The following EPB41 variants were observed in gnomAD, a reference collection of about 807,000 sequenced individuals.
EPB41 encodes erythrocyte membrane protein band 4.1.
Under a neutral mutation model 108.0 loss-of-function variants are expected in EPB41, and 65 were observed. The ratio of observed to expected loss-of-function variants is 0.60; its 90% confidence interval spans 0.49 to 0.74. The LOEUF is 0.74. Ranked by LOEUF, EPB41 falls within the 30% of genes least tolerant of loss-of-function variation. The probability of loss-of-function intolerance (pLI) is 0.00; values close to 1 mark genes in which losing one functional copy is unlikely to be tolerated. For missense variants in EPB41, 875 were observed against 1,037.0 expected (o/e 0.84, Z 2.15); for synonymous variants, 336 against 358.9 (o/e 0.94, Z 0.72).
rs139009133 is a variant in EPB41 at position 29,098,131 on chromosome 1, A to G, written c.2313+196A>G. 4.5e-3 allele frequency among the ~76,000 whole-genome samples: 682 copies of G among 152,350 alleles called. 4 individuals carry two copies. The highest frequency in any genetic ancestry group is 0.016 in the African/African-American group (645 of 41,586). ...AAAATTGAGCAGAGCACACTGGTGTATGCCTGTAGTCCCAGCTACTCAGGA... is the reference window on the plus strand; with the variant it reads ...AAAATTGAGCAGAGCACACTGGTGTGTGCCTGTAGTCCCAGCTACTCAGGA... On this transcript the variant is annotated intron_variant, in intron 17 of 20. Coordinates refer to ENST00000343067, the MANE Select transcript of EPB41 (RefSeq NM_001376013.1).
At chr1:28,992,015 G>T (rs1223696739) in intron 2 of EPB41, among the ~76,000 whole-genome samples, 1 of 152,042 alleles carries the variant, frequency 6.6e-6, no homozygotes, top group Non-Finnish European at 1.5e-5. Context: ...TTCTACCCTT[G>T]TGGACTTTAA....
intron 16 of EPB41, among the ~76,000 whole-genome samples, chr1:29,085,222 A>G (rs1440201900): frequency 6.9e-6 from 1 of 145,282 alleles, no homozygotes; most frequent in African/African-American, 2.6e-5. Flanking sequence ...GGCTCACTGC[A>G]ACCTCTGCCT....
chr1:28,906,214 T>G (rs2091816614), intron 1 of EPB41, among the ~76,000 whole-genome samples: 1 of 152,210 alleles, frequency 6.6e-6, no homozygotes, highest in Non-Finnish European at 1.5e-5. Flanking sequence ...GCTCAGAACC[T>G]GTCCTATAGT....
At chr1:29,006,049 C>CA (rs1462621706) in intron 4 of EPB41, among the ~76,000 whole-genome samples, 1 of 152,142 alleles carries the variant, frequency 6.6e-6, no homozygotes, top group African/African-American at 2.4e-5. Flanking sequence ...CTAGATTATT[C>CA]AGAATTACTA....
chr1:28,954,661 A>C (rs2094874531), intron 1 of EPB41, among the ~76,000 whole-genome samples: 1 of 152,198 alleles, frequency 6.6e-6, no homozygotes, highest in African/African-American at 2.4e-5. Context: ...TCCCAATTTT[A>C]GGGTTTAAAA....
intron 11 of EPB41, among the ~76,000 whole-genome samples, chr1:29,043,059 C>T (rs1196763975): frequency 1.3e-5 from 2 of 152,120 alleles, no homozygotes; most frequent in Non-Finnish European, 2.9e-5. Context: ...GAGATACAGC[C>T]GTGAGCACAC....
intron 15 of EPB41, 83 bp from the exon 16 acceptor site, chr1:29,064,899 G>A: frequency 6.4e-7 from 1 of 1,564,412 alleles, no homozygotes; most frequent in Non-Finnish European, 8.7e-7. Flanking sequence ...TTCTACCAGT[G>A]CCCAGTCTCT....
intron 4 of EPB41, among the ~76,000 whole-genome samples, chr1:28,999,145 C>T (rs532684058): frequency 5.3e-4 from 81 of 151,980 alleles, no homozygotes; most frequent in Admixed American, 1.1e-3. Flanking sequence ...CTGAGGCGGG[C>T]GGATCACGAG....
chr1:29,096,906 A>T lies in EPB41; in HGVS notation c.2185-901A>T, dbSNP rs1167754877. ...CTATGGAAAGAGGTGAATTGCGGTG[A>T]CTTCTGTGGTGAGGAGGCTTCAGTG... On this transcript the variant is annotated intron_variant, in intron 16 of 20. Transcript: ENST00000343067. The T allele has an allele frequency of 1.8e-4, 27 of 152,208 alleles. 1 individual carries two copies. Among genetic ancestry groups the T allele is most frequent in the Non-Finnish European group, 7.3e-5 (5 of 68,084 alleles). The allele number at this position is 152,208 out of a possible 1,614,324, so 9.4% of individuals were successfully genotyped here.
intron 1 of EPB41, among the ~76,000 whole-genome samples, chr1:28,893,114 C>T (rs192943317): frequency 2.6e-3 from 399 of 151,984 alleles, no homozygotes; most frequent in African/African-American, 9.2e-3. Context: ...TAGGGTCTCA[C>T]TCTGTCGCCC....
intron 16 of EPB41, among the ~76,000 whole-genome samples, chr1:29,089,552 A>G (rs1660451094): frequency 6.6e-6 from 1 of 152,218 alleles, no homozygotes; most frequent in South Asian, 2.1e-4. Context: ...CTGGTATCTA[A>G]ACATACTTCA....
At chr1:28,925,763 G>A (rs1181368253) in intron 1 of EPB41, among the ~76,000 whole-genome samples, 1 of 152,148 alleles carries the variant, frequency 6.6e-6, no homozygotes, top group Non-Finnish European at 1.5e-5. Context: ...AGAGGTCATA[G>A]GTAGGAGAAG....
chr1:29,020,089 G>A (rs2096625184), intron 7 of EPB41, among the ~76,000 whole-genome samples: 1 of 151,526 alleles, frequency 6.6e-6, no homozygotes, highest in African/African-American at 2.4e-5. Context: ...TTATTTTTGA[G>A]ATGGAATCTT....
chr1:29,075,400 C>A (rs1240942545), intron 16 of EPB41, among the ~76,000 whole-genome samples: 1 of 152,090 alleles, frequency 6.6e-6, no homozygotes, highest in African/African-American at 2.4e-5. Flanking sequence ...ATCGCTTGAA[C>A]CCAGGAGGTG....
intron 16 of EPB41, chr1:29,070,885 A>T (rs761182130): frequency 1.5e-5 from 5 of 332,990 alleles, no homozygotes; most frequent in Non-Finnish European, 2.6e-5. Flanking sequence ...GCAGGTTGGT[A>T]ATCTTCCCAA....
chr1:29,099,507 G>T (rs563170290), intron 17 of EPB41, among the ~76,000 whole-genome samples: 1 of 151,956 alleles, frequency 6.6e-6, no homozygotes, highest in South Asian at 2.1e-4. Context: ...TTGTAGTGAC[G>T]ATATTTTACC....
chr1:29,111,305 G>A (rs1474037853), intron 18 of EPB41, among the ~76,000 whole-genome samples: 1 of 152,136 alleles, frequency 6.6e-6, no homozygotes, highest in African/African-American at 2.4e-5. Context: ...TATTCAGGAG[G>A]AAGAAAAAGG....
intron 2 of EPB41, among the ~76,000 whole-genome samples, chr1:28,990,909 C>T (rs916296119): frequency 6.6e-6 from 1 of 151,918 alleles, no homozygotes; most frequent in Admixed American, 6.6e-5. Flanking sequence ...GATTTAATTC[C>T]GAATTGAAAT....
intron 11 of EPB41, among the ~76,000 whole-genome samples, chr1:29,044,478 AT>A (rs963514323): frequency 2.2e-4 from 34 of 151,854 alleles, no homozygotes; most frequent in African/African-American, 6.5e-4. Context: ...TATATTCTGA[AT>A]TTTTTTTTAA....
Sources: gnomAD v4.1 joint callset for allele counts (sites outside exome capture counted in the v4.1 genomes callset) on GRCh38, gnomAD v4.1.1 for gene constraint, MANE v1.5 for transcripts, NCBI Gene and HGNC (gene_info 2026-07-23, HGNC 2026-07-21) for gene names.